SORCS2: variants seen among roughly 807,000 people sequenced by gnomAD.
SORCS2 encodes sortilin related VPS10 domain containing receptor 2.
A neutral mutation model predicts 141.6 loss-of-function variants in SORCS2; 100 were observed. The observed-to-expected ratio is 0.71, with a 90% CI of 0.60 to 0.83. The LOEUF is 0.83. Ranked by LOEUF, SORCS2 falls within the 40% of genes least tolerant of loss-of-function variation. The probability of loss-of-function intolerance (pLI) is 0.00; values close to 1 mark genes in which losing one functional copy is unlikely to be tolerated. For synonymous variants in SORCS2, 789 were observed against 676.9 expected (o/e 1.17, Z -2.57); for missense variants, 1,646 against 1,560.2 (o/e 1.05, Z -0.93).
intron 3 of SORCS2, among the ~76,000 whole-genome samples, chr4:7,612,274 G>A (rs1718456169): frequency 6.6e-6 from 1 of 152,186 alleles, no homozygotes; most frequent in African/African-American, 2.4e-5. Context: ...AGGGGTGAAA[G>A]GACGGTGGCT....
At chr4:7,533,187 T>G (rs1465657249) in intron 3 of SORCS2, among the ~76,000 whole-genome samples, 9 of 152,152 alleles carry the variant, frequency 5.9e-5, no homozygotes, top group African/African-American at 2.2e-4. Flanking sequence ...TGAACCCAGC[T>G]TCACCGAGCC....
At chr4:7,733,265 C>G (rs1334237131) in intron 23 of SORCS2, 57 bp from the exon 24 acceptor site, 1 of 1,369,736 alleles carries the variant, frequency 7.3e-7, no homozygotes, top group Non-Finnish European at 9.8e-7. Context: ...TCCCCCTTCC[C>G]TTTTGGCAGA....
intron 1 of SORCS2, among the ~76,000 whole-genome samples, chr4:7,357,201 T>C (rs891968772): frequency 6.6e-6 from 1 of 152,198 alleles, no homozygotes; most frequent in East Asian, 1.9e-4. Flanking sequence ...GTGTCTCTGA[T>C]GCCTGCCCCG....
At chr4:7,556,439 C>A (rs1340114718) in intron 3 of SORCS2, among the ~76,000 whole-genome samples, 2 of 152,182 alleles carry the variant, frequency 1.3e-5, no homozygotes, top group South Asian at 2.1e-4. Context: ...AGGAGCCCAC[C>A]CAGAGGGAAT....
intron 2 of SORCS2, among the ~76,000 whole-genome samples, chr4:7,527,093 G>A (rs564297119): frequency 6.6e-6 from 1 of 152,282 alleles, no homozygotes. Flanking sequence ...CCTCTCTGTG[G>A]CCCTGGGGAC....
chr4:7,371,221 A>G (rs1427241635), intron 1 of SORCS2, among the ~76,000 whole-genome samples: 1 of 152,100 alleles, frequency 6.6e-6, no homozygotes, highest in Non-Finnish European at 1.5e-5. Context: ...GATCGTGCCC[A>G]CGTGTGTACC....
intron 1 of SORCS2, among the ~76,000 whole-genome samples, chr4:7,288,792 G>T (rs933247468): frequency 1.4e-3 from 143 of 103,048 alleles, no homozygotes; most frequent in Admixed American, 2.7e-3. Context: ...CATGTGGGGT[G>T]GGGGGGGGAG....
At chr4:7,453,179 T>C (rs569023016) in intron 2 of SORCS2, among the ~76,000 whole-genome samples, 105 of 128,202 alleles carry the variant, frequency 8.2e-4, no homozygotes, top group African/African-American at 1.7e-3. Flanking sequence ...GGTCAGGCTC[T>C]GTGTTGGGGT....
At chr4:7,333,910 A>G (rs984371179) in intron 1 of SORCS2, among the ~76,000 whole-genome samples, 2 of 152,190 alleles carry the variant, frequency 1.3e-5, no homozygotes, top group Non-Finnish European at 2.9e-5. Context: ...GAAGGCAGGA[A>G]GAAGGCAGGG....
chr4:7,503,376 CTT>C (rs889464750), intron 2 of SORCS2, among the ~76,000 whole-genome samples: 2 of 152,182 alleles, frequency 1.3e-5, no homozygotes, highest in African/African-American at 2.4e-5. Flanking sequence ...TTGGCAGTGA[CTT>C]TGACTCACGT....
intron 4 of SORCS2, among the ~76,000 whole-genome samples, chr4:7,647,477 G>A (rs531670846): frequency 6.6e-5 from 10 of 152,146 alleles, no homozygotes; most frequent in Admixed American, 5.9e-4. Context: ...TGAAGACACC[G>A]TGGAGGCGGG....
chr4:7,529,308 G>A (rs954535838), intron 2 of SORCS2, among the ~76,000 whole-genome samples: 3 of 149,670 alleles, frequency 2.0e-5, no homozygotes, highest in South Asian at 2.2e-4. Context: ...CCCCTACACC[G>A]TTGATTCTTC....
rs115102964 is a variant in SORCS2, at chr4:7,742,489, G to C, written c.*2225G>C. ...TGTTTGGGTTGGGTTTTTCCCCTTA[G>C]TTATCTGTGGGTTTCCTGTATTTTA... On this transcript the variant is annotated 3_prime_UTR_variant, in exon 27 of 27. Transcript: ENST00000507866. The C allele has an allele frequency of 9.9e-3, 1,510 of 152,316 alleles. 13 individuals are homozygous for C. The highest frequency in any genetic ancestry group is 0.032 in the South Asian group (153 of 4,824). 9.4% of individuals were successfully genotyped at this position (152,316 alleles called of 1,614,324 possible).
At chr4:7,681,950 C>A (rs1723551144) in intron 9 of SORCS2, among the ~76,000 whole-genome samples, 1 of 152,170 alleles carries the variant, frequency 6.6e-6, no homozygotes, top group East Asian at 1.9e-4. Context: ...GGTGGGCATT[C>A]CCGTGCCTCT....
At chr4:7,453,487 G>T (rs1361138536) in intron 2 of SORCS2, among the ~76,000 whole-genome samples, 1 of 142,582 alleles carries the variant, frequency 7.0e-6, no homozygotes, top group African/African-American at 2.7e-5. Flanking sequence ...TCCGTCTTGG[G>T]GTCAGGCTCC....
chr4:7,735,083 G>A (rs16840950), intron 25 of SORCS2, among the ~76,000 whole-genome samples: 19,137 of 152,244 alleles, frequency 0.13, 1,275 homozygotes, highest in East Asian at 0.18. Context: ...TTCCCTGGAC[G>A]CTAGACCTGG....
intron 1 of SORCS2, among the ~76,000 whole-genome samples, chr4:7,327,497 C>T (rs796502863): frequency 2.3e-4 from 35 of 152,326 alleles, no homozygotes; most frequent in African/African-American, 7.5e-4. Flanking sequence ...AGTAAGGTCA[C>T]GTTTTGGGTC....
At chr4:7,532,133 G>A (rs550648908) in intron 3 of SORCS2, among the ~76,000 whole-genome samples, 1 of 152,260 alleles carries the variant, frequency 6.6e-6, no homozygotes, top group East Asian at 1.9e-4. Flanking sequence ...GGAGAGAGGG[G>A]TCTTTCCGAG....
chr4:7,636,052 C>T lies in SORCS2; in HGVS notation c.649-2276C>T, dbSNP rs542466983. Among the ~76,000 whole-genome samples, 3 of 152,344 alleles carry T rather than the reference C, an allele frequency of 2.0e-5. No individual in the cohort carries two copies. The East Asian group carries it at 5.8e-4, about 29-fold the overall frequency. ...TGGGGTCTAGCAAGGCCACCATAGTCGCCTCGTGCCATTGCCCACTGCCCT... is the reference window on the plus strand; with the variant it reads ...TGGGGTCTAGCAAGGCCACCATAGTTGCCTCGTGCCATTGCCCACTGCCCT... On this transcript the variant is annotated intron_variant, in intron 3 of 26. Coordinates refer to ENST00000507866, the MANE Select transcript of SORCS2 (RefSeq NM_020777.3).
Sources: gnomAD v4.1 joint callset for allele counts (sites outside exome capture counted in the v4.1 genomes callset) on GRCh38, gnomAD v4.1.1 for gene constraint, MANE v1.5 for transcripts, NCBI Gene and HGNC (gene_info 2026-07-23, HGNC 2026-07-21) for gene names.